HDAC9: variants seen among roughly 807,000 people sequenced by gnomAD.
HDAC9 encodes the protein histone deacetylase 9.
HDAC9 carries 41 observed loss-of-function variants against 139.4 expected under a neutral mutation model. The ratio of observed to expected loss-of-function variants is 0.29; its 90% CI spans 0.23 to 0.38. The LOEUF is 0.38. Ranked by LOEUF, HDAC9 falls within the 10% of genes least tolerant of loss-of-function variation. HDAC9 has a pLI of 1.00. For synonymous variants in HDAC9, 517 were observed against 476.2 expected (o/e 1.09, Z -1.12); for missense variants, 1,147 against 1,297.0 (o/e 0.88, Z 1.78).
intron 1 of HDAC9, among the ~76,000 whole-genome samples, chr7:18,458,164 C>T (rs1458858586): frequency 6.6e-6 from 1 of 152,198 alleles, no homozygotes; most frequent in African/African-American, 2.4e-5. Context: ...AAGAGACGCT[C>T]ACCCTCTCAG....
chr7:18,150,693 T>C (rs984548419), intron 1 of HDAC9, among the ~76,000 whole-genome samples: 1 of 152,226 alleles, frequency 6.6e-6, no homozygotes, highest in Non-Finnish European at 1.5e-5. Flanking sequence ...CATCACTCTC[T>C]GTTCCAACAC....
At chr7:18,325,855 A>G (rs1349022423) in intron 1 of HDAC9, among the ~76,000 whole-genome samples, 2 of 152,120 alleles carry the variant, frequency 1.3e-5, no homozygotes, top group Non-Finnish European at 2.9e-5. Flanking sequence ...GAACAGTAAC[A>G]TGCTCTACAG....
chr7:18,302,652 A>C (rs182546938), intron 1 of HDAC9, among the ~76,000 whole-genome samples: 5 of 152,334 alleles, frequency 3.3e-5, no homozygotes, highest in African/African-American at 1.2e-4. Context: ...CTTTGCCTTC[A>C]TTTGTTTCAG....
intron 2 of HDAC9, among the ~76,000 whole-genome samples, chr7:18,266,177 T>C (rs2128210034): frequency 6.6e-6 from 1 of 152,272 alleles, no homozygotes; most frequent in South Asian, 2.1e-4. Context: ...AACAAAACAC[T>C]TTCATTAATT....
intron 3 of HDAC9, among the ~76,000 whole-genome samples, chr7:18,589,810 G>C (rs1036265610): frequency 5.3e-5 from 8 of 152,104 alleles, no homozygotes; most frequent in African/African-American, 1.9e-4. Flanking sequence ...AGTCTATTGA[G>C]AACTTGCTCT....
At chr7:18,875,268 G>A (rs1799234552) in intron 22 of HDAC9, among the ~76,000 whole-genome samples, 2 of 151,748 alleles carry the variant, frequency 1.3e-5, no homozygotes, top group African/African-American at 4.8e-5. Context: ...GGGAAAAAAG[G>A]TATATATATA....
intron 2 of HDAC9, among the ~76,000 whole-genome samples, chr7:18,245,457 C>G (rs1030302784): frequency 2.0e-5 from 3 of 152,102 alleles, no homozygotes; most frequent in Admixed American, 6.5e-5. Context: ...TCAGTAGCCT[C>G]ATGGGCTGTA....
At chr7:18,462,518 C>CA (rs1793935754) in intron 1 of HDAC9, among the ~76,000 whole-genome samples, 1 of 151,986 alleles carries the variant, frequency 6.6e-6, no homozygotes, top group Non-Finnish European at 1.5e-5. Context: ...AGCAAGCCCC[C>CA]AACCCCAACC....
chr7:18,628,597 G>C (rs1781409224), intron 6 of HDAC9, among the ~76,000 whole-genome samples: 1 of 152,052 alleles, frequency 6.6e-6, no homozygotes, highest in Non-Finnish European at 1.5e-5. Context: ...AAATAGTGAA[G>C]CTCTGTAATA....
intron 17 of HDAC9, chr7:18,808,205 T>C (rs1029936334): frequency 4.6e-5 from 7 of 152,180 alleles, no homozygotes; most frequent in African/African-American, 1.4e-4. Context: ...GATCTCTGCA[T>C]AGCCAGTGAT....
intron 23 of HDAC9, among the ~76,000 whole-genome samples, chr7:18,945,535 A>C (rs1336408437): frequency 1.3e-5 from 2 of 152,120 alleles, no homozygotes; most frequent in Non-Finnish European, 2.9e-5. Flanking sequence ...TTCTTTTTGT[A>C]ATCTGTTTAA....
intron 11 of HDAC9, among the ~76,000 whole-genome samples, chr7:18,651,382 A>G (rs1789213500): frequency 6.6e-6 from 1 of 152,212 alleles, no homozygotes; most frequent in Admixed American, 6.5e-5. Context: ...ATTTAAATAT[A>G]TCTTCTTTTA....
At chr7:18,374,001 G>A (rs974822307) in intron 1 of HDAC9, among the ~76,000 whole-genome samples, 3 of 151,852 alleles carry the variant, frequency 2.0e-5, no homozygotes, top group Non-Finnish European at 2.9e-5. Context: ...TTACAATATG[G>A]TGAATATAAA....
intron 2 of HDAC9, among the ~76,000 whole-genome samples, chr7:18,534,869 A>C (rs1326934072): frequency 1.3e-5 from 2 of 152,192 alleles, no homozygotes; most frequent in African/African-American, 4.8e-5. Context: ...GCAGGGACTT[A>C]GAGAGGAGGA....
intron 1 of HDAC9, among the ~76,000 whole-genome samples, chr7:18,317,569 A>G (rs610447): frequency 0.14 from 21,246 of 152,156 alleles, 1,962 homozygotes; most frequent in East Asian, 0.26. Flanking sequence ...TGACTCACGT[A>G]TGTATTTCCC....
At chr7:18,285,121 G>A (rs925197926) in intron 2 of HDAC9, among the ~76,000 whole-genome samples, 1 of 152,076 alleles carries the variant, frequency 6.6e-6, no homozygotes, top group Non-Finnish European at 1.5e-5. Context: ...TTTTCTTTTG[G>A]TGTTCTTTCC....
chr7:18,802,081 G>T (rs181462778), intron 17 of HDAC9, among the ~76,000 whole-genome samples: 75 of 151,272 alleles, frequency 5.0e-4, no homozygotes, highest in Admixed American at 2.9e-3. Context: ...TTGGGGGGAG[G>T]TCATATATTT....
chr7:18,516,118 T>C lies in HDAC9; in HGVS notation c.22+19794T>C, dbSNP rs368564567. 8.5e-5 allele frequency among the ~76,000 whole-genome samples: 13 copies of C among 152,324 alleles called. No individual in the cohort carries two copies. In the South Asian group the frequency reaches 2.5e-3, roughly 29 times the overall value. ...TTGTTTTCTTCAGACAAAAATGGCT[T>C]TGCAGCTGTGATTTTATACTCTTCA... On this transcript the variant is annotated intron_variant, in intron 2 of 25. Transcript: ENST00000686413.
At chr7:18,732,599 A>ATG (rs1229913429) in intron 13 of HDAC9, among the ~76,000 whole-genome samples, 7 of 142,660 alleles carry the variant, frequency 4.9e-5, no homozygotes, top group Non-Finnish European at 9.0e-5. Context: ...ACACGTGTAT[A>ATG]TGTGTGCATA....
Sources: allele counts gnomAD v4.1 joint callset (sites outside exome capture counted in the v4.1 genomes callset), GRCh38; gene constraint gnomAD v4.1.1; transcripts MANE v1.5; gene names NCBI Gene and HGNC (gene_info 2026-07-23, HGNC 2026-07-21).